SMOX: variants seen among roughly 807,000 people sequenced by gnomAD.
SMOX encodes the protein spermine oxidase, also known as flavin containing amine oxidase.
SMOX carries 22 observed loss-of-function variants against 51.0 expected under a neutral mutation model. The ratio of observed to expected loss-of-function variants is 0.43; its 90% CI spans 0.31 to 0.62. SMOX has a LOEUF of 0.62. SMOX is among the 20% of genes least tolerant of loss of function. The pLI is 0.10. For synonymous variants in SMOX, 282 were observed against 307.8 expected (o/e 0.92, Z 0.88); for missense variants, 566 against 777.7 (o/e 0.73, Z 3.24).
chr20:4,177,408 T>G lies in SMOX; in HGVS notation c.266T>G (p.Ile89Ser). Residue 89 changes from isoleucine (I) to serine (S), a missense_variant, in exon 3 of 7, where the codon ATC becomes AGC. Coordinates refer to ENST00000305958, the MANE Select transcript of SMOX (RefSeq NM_175839.3). The surrounding 1 kb of genome is among the most constrained non-coding windows in gnomAD (Gnocchi z 4.3). Reference sequence around the variant, plus strand: ...ATCCATGGCTCCCATGGGAACCCTATCTATCATCTAGCAGAAGCCAACGGC... The same window carrying G: ...ATCCATGGCTCCCATGGGAACCCTAGCTATCATCTAGCAGAAGCCAACGGC... ...TWIHGSHGNP[I>S]YHLAEANGLL... The G allele has an allele frequency of 1.9e-6, 3 of 1,557,656 alleles. No individual in the cohort carries two copies. The highest frequency in any genetic ancestry group is 2.6e-6 in the Non-Finnish European group (3 of 1,149,926).
At chr20:4,162,784 G>A (rs1986393935) in intron 1 of SMOX, among the ~76,000 whole-genome samples, 1 of 152,204 alleles carries the variant, frequency 6.6e-6, no homozygotes, top group Non-Finnish European at 1.5e-5. Context: ...ATGAGGAAAC[G>A]GTCTTTCCAA....
intron 1 of SMOX, among the ~76,000 whole-genome samples, chr20:4,168,771 G>C (rs1007224175): frequency 3.3e-5 from 5 of 151,856 alleles, no homozygotes; most frequent in Admixed American, 6.6e-5. Context: ...TGGCCAGGCT[G>C]GTCTTGAGCT....
Position 4,149,374 on chromosome 20 carries a change from G to A in SMOX, c.-27+397G>A, listed in dbSNP as rs1985611273. On this transcript the variant is annotated intron_variant, in intron 1 of 6. Coordinates refer to ENST00000305958, the MANE Select transcript of SMOX (RefSeq NM_175839.3). This position sits in a 1 kb window ranked among gnomAD's most constrained non-coding sequence, Gnocchi z 6.0. The stretch of plus-strand genomic sequence containing the variant: ...GCTCCGTGGGCGCAGACAAAGCCGG[G>A]CGCGGACGCCCCGCGACGACTCGGG... Among the ~76,000 whole-genome samples, 1 of 152,052 alleles carries A rather than the reference G, an allele frequency of 6.6e-6. No individual in the cohort carries two copies. The highest frequency in any genetic ancestry group is 1.5e-5 in the Non-Finnish European group (1 of 67,970).
At position 4,187,112 on chromosome 20, in the gene SMOX, G is replaced by T. The variant is rs775278416; in HGVS notation, c.1531-158G>T. ...GAAGCAGGGGAAAGTGGCCAGATAG[G>T]ATGGGCAGCTCTTCATCCTGTGGAA... On this transcript the variant is annotated intron_variant, in intron 6 of 6. Transcript: ENST00000305958. The surrounding 1 kb of genome is among the most constrained non-coding windows in gnomAD (Gnocchi z 4.8). Among the ~76,000 whole-genome samples, 18 of 152,206 alleles carry T rather than the reference G, an allele frequency of 1.2e-4. No individual in the cohort carries two copies. The highest frequency in any genetic ancestry group is 7.2e-4 in the Admixed American group (11 of 15,292).
intron 6 of SMOX, among the ~76,000 whole-genome samples, chr20:4,186,279 A>T (rs931292661): frequency 7.2e-5 from 11 of 152,182 alleles, no homozygotes; most frequent in Non-Finnish European, 1.3e-4. Context: ...CTGCACTCCA[A>T]CTGGGGCAAT....
In SMOX at chr20:4,172,810, A is replaced by AGG. The variant is rs1263698878; in HGVS notation, c.-26-2214_-26-2213dup. 2.4e-4 allele frequency among the ~76,000 whole-genome samples: 1 copy of AGG among 4,222 alleles called. No individual in the cohort carries two copies. The highest frequency in any genetic ancestry group is 3.4e-4 in the African/African-American group (1 of 2,950). The allele number at this position is 4,222 out of a possible 152,430, so 2.8% of individuals were successfully genotyped here. Reference sequence around the variant, plus strand: ...AGGGGCTGGAGGGTGGGTGGGTGGGAGGGGGGGTGGTGGAGGGAGGATTCC... The same window carrying AGG: ...AGGGGCTGGAGGGTGGGTGGGTGGGAGGGGGGGGGTGGTGGAGGGAGGATTCC... On this transcript the variant is annotated intron_variant, in intron 1 of 6. Transcript: ENST00000305958. The surrounding 1 kb of genome is among the most constrained non-coding windows in gnomAD (Gnocchi z 7.7).
Position 4,167,451 on chromosome 20 carries a change from C to T in SMOX, c.-26-7579C>T, listed in dbSNP as rs1014214725. On this transcript the variant is annotated intron_variant, in intron 1 of 6. Coordinates refer to ENST00000305958, the MANE Select transcript of SMOX (RefSeq NM_175839.3). The surrounding 1 kb of genome is among the most constrained non-coding windows in gnomAD (Gnocchi z 4.8). ...GTGCTAATTTAATATTCCTACAAGT[C>T]GGCTGTACCTATCCCCATTTTACGG... Among the ~76,000 whole-genome samples the T allele has an allele frequency of 3.3e-5, 5 of 152,136 alleles. No homozygotes were observed. The highest frequency in any genetic ancestry group is 5.9e-5 in the Non-Finnish European group (4 of 68,026).
At chr20:4,184,931 C>T (rs1430213554) in intron 6 of SMOX, among the ~76,000 whole-genome samples, 1 of 152,224 alleles carries the variant, frequency 6.6e-6, no homozygotes, top group Non-Finnish European at 1.5e-5. Context: ...TCTTCAAGAC[C>T]ATCTTGTGGT....
In SMOX at chr20:4,181,748, G is replaced by C. The variant is rs1337014042; in HGVS notation, c.436-55G>C. On this transcript the variant is annotated intron_variant, in intron 3 of 6. Transcript: ENST00000305958. This position sits in a 1 kb window ranked among gnomAD's most constrained non-coding sequence, Gnocchi z 5.6. Reference sequence around the variant, plus strand: ...GGTGGGTTTGGGTTGGGGGCCTTCTGTTTGAGATGGAGGTGTGATGAGGTG... The same window carrying C: ...GGTGGGTTTGGGTTGGGGGCCTTCTCTTTGAGATGGAGGTGTGATGAGGTG... 2 of 1,581,968 alleles carry C rather than the reference G, an allele frequency of 1.3e-6. No homozygotes were observed. The highest frequency in any genetic ancestry group is 1.7e-6 in the Non-Finnish European group (2 of 1,162,768).
chr20:4,168,883 CTATTTTATTTTATTT>C (rs11467242), intron 1 of SMOX, among the ~76,000 whole-genome samples: 19,077 of 128,418 alleles, frequency 0.15, 1,736 homozygotes, highest in African/African-American at 0.21. Flanking sequence ...AATTAATGCT[CTATTTTATTTTATTT>C]TATTTTATTT....
At position 4,177,222 on chromosome 20, in the gene SMOX, G is replaced by A. The variant is rs760144835; in HGVS notation, c.209-129G>A. 1.5e-5 allele frequency: 12 copies of A among 801,754 alleles called. No homozygotes were observed. The highest frequency in any genetic ancestry group is 2.4e-5 in the Non-Finnish European group (12 of 510,348). The allele number at this position is 801,754 out of a possible 1,614,324, so 49.7% of individuals were successfully genotyped here. On this transcript the variant is annotated intron_variant, in intron 2 of 6. Coordinates refer to ENST00000305958, the MANE Select transcript of SMOX (RefSeq NM_175839.3). The surrounding 1 kb of genome is among the most constrained non-coding windows in gnomAD (Gnocchi z 4.3). ...AGGACCTTCGTTGGTTGCCAGCAGTGGAAGTTCAAGCTCTTTCCTGCCCTG... is the reference window on the plus strand; with the variant it reads ...AGGACCTTCGTTGGTTGCCAGCAGTAGAAGTTCAAGCTCTTTCCTGCCCTG...
Position 4,177,631 on chromosome 20 carries a change from C to A in SMOX, c.435+54C>A. The A allele has an allele frequency of 6.6e-7, 1 of 1,508,002 alleles. No individual in the cohort carries two copies. The highest frequency in any genetic ancestry group is 1.2e-5 in the South Asian group (1 of 82,662). The allele number at this position is 1,508,002 out of a possible 1,614,324, so 93.4% of individuals were successfully genotyped here. A position where few individuals can be genotyped will look rare whatever the true frequency, so the allele number is the denominator to read the frequency against. On this transcript the variant is annotated intron_variant, in intron 3 of 6. Coordinates refer to ENST00000305958, the MANE Select transcript of SMOX (RefSeq NM_175839.3). The surrounding 1 kb of genome is among the most constrained non-coding windows in gnomAD (Gnocchi z 4.3). The stretch of plus-strand genomic sequence containing the variant: ...AAGGGCATGGGGAGACCTGGGAGGT[C>A]TGTGATTCTGGTCGTGTCTCTGCAC...
In SMOX at chr20:4,187,489, ATC is replaced by A; in HGVS notation, c.*83_*84del. ...GCTGCCGTGTGCTCCTGCCTTCCTG[ATC>A]CTCTGTAGAAAGGATTTTTATCTTC... On this transcript the variant is annotated 3_prime_UTR_variant, in exon 7 of 7. Coordinates refer to ENST00000305958, the MANE Select transcript of SMOX (RefSeq NM_175839.3). The surrounding 1 kb of genome is among the most constrained non-coding windows in gnomAD (Gnocchi z 4.8). 6.4e-7 allele frequency: 1 copy of A among 1,558,936 alleles called. No individual in the cohort carries two copies. Among genetic ancestry groups the A allele is most frequent in the Non-Finnish European group, 8.7e-7 (1 of 1,149,562 alleles).
rs1030036456 is a variant in SMOX at position 4,172,860 on chromosome 20, G to A, written c.-26-2170G>A. Among the ~76,000 whole-genome samples, 34 of 152,028 alleles carry A rather than the reference G, an allele frequency of 2.2e-4. No homozygotes were observed. The highest frequency in any genetic ancestry group is 8.2e-4 in the African/African-American group (34 of 41,452). On this transcript the variant is annotated intron_variant, in intron 1 of 6. Transcript: ENST00000305958. The surrounding 1 kb of genome is among the most constrained non-coding windows in gnomAD (Gnocchi z 7.7). ...CCGTCCAGGCCCAGGCATCGCGGGGGCAGGTGCAATGGGCGGGGGAGGCAC... is the reference window on the plus strand; with the variant it reads ...CCGTCCAGGCCCAGGCATCGCGGGGACAGGTGCAATGGGCGGGGGAGGCAC...
At position 4,183,288 on chromosome 20, in the gene SMOX, T is replaced by G. The variant is rs1391346247; in HGVS notation, c.1370-206T>G. ...ATAGGAAAAGTAAGGTGGAGCGTTTTGCCGGGGGTCACAGGAGGCGCTGAG... is the reference window on the plus strand; with the variant it reads ...ATAGGAAAAGTAAGGTGGAGCGTTTGGCCGGGGGTCACAGGAGGCGCTGAG... On this transcript the variant is annotated intron_variant, in intron 5 of 6. Transcript: ENST00000305958. This position sits in a 1 kb window ranked among gnomAD's most constrained non-coding sequence, Gnocchi z 4.3. The G allele has an allele frequency of 3.4e-5, 22 of 648,880 alleles. No individual in the cohort carries two copies. The highest frequency in any genetic ancestry group is 5.3e-5 in the Non-Finnish European group (20 of 378,974). The allele number at this position is 648,880 out of a possible 1,614,324, so 40.2% of individuals were successfully genotyped here.
rs1245188913 is a variant in SMOX, at chr20:4,187,017, G to A, written c.1531-253G>A. The stretch of plus-strand genomic sequence containing the variant: ...ACCTGCCTCAAGTTGACAAGTAAGA[G>A]GCACAAAGAGCCTTTGAGACCACAG... On this transcript the variant is annotated intron_variant, in intron 6 of 6. Coordinates refer to ENST00000305958, the MANE Select transcript of SMOX (RefSeq NM_175839.3). The surrounding 1 kb of genome is among the most constrained non-coding windows in gnomAD (Gnocchi z 4.8). 6.6e-6 allele frequency among the ~76,000 whole-genome samples: 1 copy of A among 152,200 alleles called. No homozygotes were observed. The highest frequency in any genetic ancestry group is 1.5e-5 in the Non-Finnish European group (1 of 68,042).
rs530432293 is a variant in SMOX, at chr20:4,183,404, G to T, written c.1370-90G>T. On this transcript the variant is annotated intron_variant, in intron 5 of 6. Coordinates refer to ENST00000305958, the MANE Select transcript of SMOX (RefSeq NM_175839.3). This position sits in a 1 kb window ranked among gnomAD's most constrained non-coding sequence, Gnocchi z 4.3. ...GTCTGGTCCTCCCGGAGCCCTGGAG[G>T]TGGGGTGGGGGGTTGTCCCTTTGGG... is the stretch of plus-strand genomic sequence containing the variant. The T allele has an allele frequency of 3.5e-5, 56 of 1,593,720 alleles. No individual in the cohort carries two copies. In the African/African-American group the frequency reaches 6.8e-4, roughly 19 times the overall value.
Position 4,172,841 on chromosome 20 carries a change from A to G in SMOX, c.-26-2189A>G, listed in dbSNP as rs1286091344. Among the ~76,000 whole-genome samples, 5 of 151,374 alleles carry G rather than the reference A, an allele frequency of 3.3e-5. No individual in the cohort carries two copies. Among genetic ancestry groups the G allele is most frequent in the Non-Finnish European group, 7.4e-5 (5 of 67,824 alleles). On this transcript the variant is annotated intron_variant, in intron 1 of 6. Transcript: ENST00000305958. This position sits in a 1 kb window ranked among gnomAD's most constrained non-coding sequence, Gnocchi z 7.7. ...GGTGGTGGAGGGAGGATTCCCGTCCAGGCCCAGGCATCGCGGGGGCAGGTG... is the reference window on the plus strand; with the variant it reads ...GGTGGTGGAGGGAGGATTCCCGTCCGGGCCCAGGCATCGCGGGGGCAGGTG...
intron 1 of SMOX, among the ~76,000 whole-genome samples, chr20:4,162,270 C>T (rs1003220729): frequency 2.0e-5 from 3 of 152,146 alleles, no homozygotes; most frequent in African/African-American, 4.8e-5. Context: ...ACTCCCAGGG[C>T]GGGGTGAGGC....
Sources: gnomAD v4.1 joint callset for allele counts (sites outside exome capture counted in the v4.1 genomes callset) on GRCh38, gnomAD v4.1.1 for gene constraint, Gnocchi (gnomAD v3.1) non-coding constraint, MANE v1.5 for transcripts, NCBI Gene and HGNC (gene_info 2026-07-23, HGNC 2026-07-21) for gene names.